The following MRPL45 variants were observed in gnomAD, a reference collection of about 807,000 sequenced individuals.
MRPL45 encodes the protein mitochondrial ribosomal protein L45.
A neutral mutation model predicts 38.1 loss-of-function variants in MRPL45; 20 were observed. The ratio of observed to expected loss-of-function variants is 0.53; its 90% confidence interval spans 0.37 to 0.76. The LOEUF is 0.76. MRPL45 is among the 30% of genes least tolerant of loss of function. The pLI, the probability that MRPL45 is intolerant of heterozygous loss-of-function variation, is 0.00. For missense variants in MRPL45, 337 were observed against 395.6 expected, an observed-to-expected ratio of 0.85 and a Z score of 1.26; for synonymous variants, 105 against 128.8, an observed-to-expected ratio of 0.82 and a Z score of 1.25.
At position 38,298,500 on chromosome 17, in the gene MRPL45, C is replaced by T. The variant is rs1222802483; in HGVS notation, c.118C>T (p.Arg40Cys). ...AAIVPVRTKKRFTPPIYQPKF... is the reference protein window; with the variant it reads ...AAIVPVRTKKCFTPPIYQPKF... ...TATAGTTCCAGTAAGAACTAAAAAA[C>T]GTTTCACACCTCCTATTTATCAACC... The change falls in exon 2 of 8, where the codon CGT becomes TGT. Residue 40 changes from arginine to cysteine, a missense_variant. By Grantham distance (180) the Arg-to-Cys change is radical. Around this residue, in one of 3 missense-constraint regions of MRPL45, gnomAD observed 60 missense variants for 109.6 expected, o/e 0.55. Transcript: ENST00000613675. 1 of 1,613,856 alleles carries T rather than the reference C, an allele frequency of 6.2e-7. No homozygotes were observed. Among genetic ancestry groups the T allele is most frequent in the African/African-American group, 1.3e-5 (1 of 74,932 alleles).
Position 38,297,205 on chromosome 17 carries a change from G to A in MRPL45, c.22G>A (p.Gly8Arg). 1 of 1,614,220 alleles carries A rather than the reference G, an allele frequency of 6.2e-7. No individual in the cohort carries two copies. Among genetic ancestry groups the A allele is most frequent in the Non-Finnish European group, 8.5e-7 (1 of 1,180,048 alleles). MAAPIPQ[G>R]FSCLSRFLGW... Reference sequence around the variant, plus strand: ...CAAGATGGCAGCCCCCATACCTCAAGGGTTCTCTTGTTTATCGAGGTTTTT... The same window carrying A: ...CAAGATGGCAGCCCCCATACCTCAAAGGTTCTCTTGTTTATCGAGGTTTTT... Residue 8 changes from glycine (G) to arginine (R), a missense_variant, in exon 1 of 8, where the codon GGG (glycine) becomes AGG (arginine). Coordinates refer to ENST00000613675, the MANE Select transcript of MRPL45 (RefSeq NM_032351.6).
At chr17:38,318,806 T>C in intron 5 of MRPL45, 71 bp downstream of exon 5, 3 of 871,898 alleles carry the variant, frequency 3.4e-6, no homozygotes, top group Admixed American at 2.2e-5. Flanking sequence ...CTCTGGTTTT[T>C]CTTTTCTTTT....
intron 3 of MRPL45, among the ~76,000 whole-genome samples, chr17:38,300,533 A>G (rs1023358850): frequency 1.1e-4 from 16 of 152,116 alleles, no homozygotes; most frequent in Non-Finnish European, 2.9e-5. Context: ...GGGCTACCCC[A>G]TAGGCCACTG....
At chr17:38,300,946 C>CA (rs1404437559) in intron 3 of MRPL45, among the ~76,000 whole-genome samples, 5 of 150,434 alleles carry the variant, frequency 3.3e-5, no homozygotes, top group South Asian at 2.1e-4. Context: ...AACTCTGTCT[C>CA]AAAAAAAAAT....
At chr17:38,320,533 T>A in intron 5 of MRPL45, 85 bp from the exon 6 acceptor site, 1 of 1,429,044 alleles carries the variant, frequency 7.0e-7, no homozygotes, top group South Asian at 1.2e-5. Context: ...GCTGTAGTCT[T>A]GCAGGAAGTG....
At chr17:38,306,682 A>G in intron 4 of MRPL45, 51 bp downstream of exon 4, 1 of 1,599,012 alleles carries the variant, frequency 6.3e-7, no homozygotes, top group Non-Finnish European at 8.5e-7. Flanking sequence ...GTTAGCTATT[A>G]TTTTAGGCAC....
chr17:38,315,027 A>T (rs943378249), intron 4 of MRPL45, among the ~76,000 whole-genome samples: 13 of 152,218 alleles, frequency 8.5e-5, no homozygotes, highest in Non-Finnish European at 1.5e-5. Context: ...CATTACATCA[A>T]TTCATAATTA....
At chr17:38,306,132 G>A (rs1363780482) in intron 3 of MRPL45, among the ~76,000 whole-genome samples, 2 of 151,762 alleles carry the variant, frequency 1.3e-5, no homozygotes, top group African/African-American at 2.4e-5. Context: ...ATTATTGGCC[G>A]GGCGTGGTAG....
Position 38,322,292 on chromosome 17 carries a change from T to C in MRPL45, c.827T>C (p.Ile276Thr). 1 of 1,613,848 alleles carries C rather than the reference T, an allele frequency of 6.2e-7. No homozygotes were observed. The highest frequency in any genetic ancestry group is 8.5e-7 in the Non-Finnish European group (1 of 1,179,944). The change falls in exon 7 of 8, where the codon ATC (isoleucine) becomes ACC (threonine). Residue 276 changes from isoleucine to threonine, a missense_variant. Transcript: ENST00000613675. ...CCATGGGCACCCCCTAAGCAGCCCA[T>C]CCTTAAGGTAAGGTGGCTTGCATGG... is the stretch of plus-strand genomic sequence containing the variant. The part of the protein sequence containing the change: ...VPPWAPPKQP[I>T]LKTVMIPGPQ...
intron 3 of MRPL45, among the ~76,000 whole-genome samples, chr17:38,300,090 C>T (rs1221927199): frequency 6.6e-6 from 1 of 151,686 alleles, no homozygotes; most frequent in Non-Finnish European, 1.5e-5. Flanking sequence ...TCACTCTTAA[C>T]TCACTGCAAC....
At chr17:38,313,473 C>T (rs969400348) in intron 4 of MRPL45, among the ~76,000 whole-genome samples, 1 of 145,322 alleles carries the variant, frequency 6.9e-6, no homozygotes, top group Non-Finnish European at 1.5e-5. Context: ...CCTCTTGCCT[C>T]GGCCTCCCAA....
At chr17:38,302,669 T>C (rs1567713133) in intron 3 of MRPL45, among the ~76,000 whole-genome samples, 1 of 151,942 alleles carries the variant, frequency 6.6e-6, no homozygotes, top group East Asian at 1.9e-4. Context: ...GAGATGATCA[T>C]GTGATACTTG....
At chr17:38,312,348 G>A (rs1334587528) in intron 4 of MRPL45, among the ~76,000 whole-genome samples, 39 of 152,064 alleles carry the variant, frequency 2.6e-4, no homozygotes, top group Admixed American at 2.6e-3. Context: ...GCCCAGCCAC[G>A]TATGTCTCCT....
At chr17:38,306,862 C>T (rs553055332) in intron 4 of MRPL45, among the ~76,000 whole-genome samples, 22 of 152,280 alleles carry the variant, frequency 1.4e-4, no homozygotes, top group Admixed American at 2.6e-4. Flanking sequence ...CTCAGTTCCA[C>T]CTGCAAGTGT....
At chr17:38,310,090 T>A (rs1280026282) in intron 4 of MRPL45, among the ~76,000 whole-genome samples, 1 of 149,958 alleles carries the variant, frequency 6.7e-6, no homozygotes, top group Non-Finnish European at 1.5e-5. Flanking sequence ...TAATTTTATA[T>A]TTATTTTATT....
rs1338070995 is a variant in MRPL45 at position 38,322,142 on chromosome 17, A to T, written c.677A>T (p.Asp226Val). 2 of 1,613,942 alleles carry T rather than the reference A, an allele frequency of 1.2e-6. No homozygotes were observed. The highest frequency in any genetic ancestry group is 1.7e-6 in the Non-Finnish European group (2 of 1,179,994). ...MHTRQTLAIY[D>V]RFGRLMYGQE... ...TCCTTGCAGACTCTGGCCATCTATGACCGGTTTGGCCGGTTGATGTATGGA... is the reference window on the plus strand; with the variant it reads ...TCCTTGCAGACTCTGGCCATCTATGTCCGGTTTGGCCGGTTGATGTATGGA... Residue 226 changes from aspartate (D) to valine (V), a missense_variant, in exon 7 of 8, where the codon GAC (aspartate) becomes GTC (valine). Around this residue, in one of 3 missense-constraint regions of MRPL45, gnomAD observed 251 missense variants for 269.1 expected, o/e 0.93. Transcript: ENST00000613675.
intron 3 of MRPL45, among the ~76,000 whole-genome samples, chr17:38,299,799 C>A (rs181093894): frequency 2.6e-4 from 40 of 151,772 alleles, no homozygotes; most frequent in African/African-American, 9.4e-4. Context: ...TGCAATGGCA[C>A]GATCTTGGCT....
At chr17:38,309,745 C>T (rs2037092293) in intron 4 of MRPL45, among the ~76,000 whole-genome samples, 1 of 151,630 alleles carries the variant, frequency 6.6e-6, no homozygotes, top group South Asian at 2.1e-4. Context: ...AGGCATGTGC[C>T]ACCACACTGG....
intron 3 of MRPL45, 134 bp downstream of exon 3, chr17:38,299,602 G>A (rs1321430798): frequency 5.0e-6 from 3 of 599,396 alleles, no homozygotes; most frequent in Admixed American, 3.8e-5. Context: ...TTTCTCCTTT[G>A]TACTAGAGTC....
Sources: allele counts gnomAD v4.1 joint callset (sites outside exome capture counted in the v4.1 genomes callset), GRCh38; gene constraint gnomAD v4.1.1; regional missense constraint gnomAD v4.1.1; transcripts MANE v1.5; gene names NCBI Gene and HGNC (gene_info 2026-07-23, HGNC 2026-07-21).